The following ST6GALNAC3 variants were observed in gnomAD, a reference collection of about 807,000 sequenced individuals.
ST6GALNAC3 encodes ST6 N-acetylgalactosaminide alpha-2,6-sialyltransferase 3, also known as alpha-N-acetylgalactosaminide alpha-2,6-sialyltransferase 3.
A neutral mutation model predicts 32.7 loss-of-function variants in ST6GALNAC3; 25 were observed. That is an observed-to-expected ratio of 0.76 (90% CI 0.56 to 1.07). The LOEUF is 1.07. Among genes scored for constraint, ST6GALNAC3 ranks in the 50% least tolerant of loss-of-function variants. The pLI is 0.00. For synonymous variants in ST6GALNAC3, 129 were observed against 133.1 expected (o/e 0.97, Z 0.21); for missense variants, 355 against 382.4 (o/e 0.93, Z 0.60).
intron 1 of ST6GALNAC3, chr1:76,306,021 C>T: frequency 2.3e-6 from 1 of 442,494 alleles, no homozygotes; most frequent in South Asian, 1.7e-5. Flanking sequence ...TGGTACCAGC[C>T]TTAGGTAGAT....
chr1:76,153,764 G>C (rs1651204887), intron 1 of ST6GALNAC3, among the ~76,000 whole-genome samples: 1 of 152,144 alleles, frequency 6.6e-6, no homozygotes, highest in Non-Finnish European at 1.5e-5. Flanking sequence ...AGTTGACCTA[G>C]ACAGGGAACA....
At chr1:76,562,374 A>G (rs748684444) in intron 3 of ST6GALNAC3, among the ~76,000 whole-genome samples, 1 of 152,218 alleles carries the variant, frequency 6.6e-6, no homozygotes, top group Admixed American at 6.5e-5. Flanking sequence ...ATGTTTACAT[A>G]GTTCAGGAAA....
At chr1:76,608,532 C>T (rs940518469) in intron 3 of ST6GALNAC3, among the ~76,000 whole-genome samples, 6 of 150,936 alleles carry the variant, frequency 4.0e-5, no homozygotes, top group African/African-American at 1.2e-4. Context: ...GATATAGGAT[C>T]GTCAAGAGAG....
intron 1 of ST6GALNAC3, among the ~76,000 whole-genome samples, chr1:76,298,969 G>C (rs12036155): frequency 0.18 from 27,573 of 151,918 alleles, 3,155 homozygotes; most frequent in East Asian, 0.5. Context: ...TTGGTGAACT[G>C]CTCACCTATT....
chr1:76,257,096 C>G (rs1657965455), intron 1 of ST6GALNAC3, among the ~76,000 whole-genome samples: 1 of 152,108 alleles, frequency 6.6e-6, no homozygotes, highest in South Asian at 2.1e-4. Flanking sequence ...CAGGGAGATA[C>G]TGCATCATAG....
chr1:76,555,794 TA>T (rs1213861528), intron 3 of ST6GALNAC3, among the ~76,000 whole-genome samples: 1 of 152,120 alleles, frequency 6.6e-6, no homozygotes, highest in African/African-American at 2.4e-5. Context: ...CAGGGTTCTA[TA>T]TTTTTAGAGG....
chr1:76,151,664 G>A (rs434587), intron 1 of ST6GALNAC3, among the ~76,000 whole-genome samples: 100,512 of 152,054 alleles, frequency 0.66, 35,890 homozygotes, highest in East Asian at 0.95. Context: ...GATCACACCT[G>A]AGAGGGGAGG....
intron 1 of ST6GALNAC3, among the ~76,000 whole-genome samples, chr1:76,264,340 T>G (rs1348693820): frequency 6.6e-6 from 1 of 152,082 alleles, no homozygotes; most frequent in Non-Finnish European, 1.5e-5. Flanking sequence ...CATCAAATTA[T>G]CTTCAGTAAC....
chr1:76,208,992 A>T (rs1397605265), intron 1 of ST6GALNAC3, among the ~76,000 whole-genome samples: 1 of 152,090 alleles, frequency 6.6e-6, no homozygotes, highest in African/African-American at 2.4e-5. Context: ...ATCTTTAATG[A>T]TAAATTTATC....
intron 1 of ST6GALNAC3, among the ~76,000 whole-genome samples, chr1:76,095,940 A>C (rs1313639899): frequency 6.6e-6 from 1 of 152,158 alleles, no homozygotes; most frequent in African/African-American, 2.4e-5. Flanking sequence ...TAATGGATGA[A>C]AACATGAACA....
intron 3 of ST6GALNAC3, among the ~76,000 whole-genome samples, chr1:76,550,506 T>C (rs1056290798): frequency 6.6e-5 from 10 of 152,192 alleles, no homozygotes; most frequent in African/African-American, 2.4e-4. Context: ...GTTCTATTTT[T>C]TTCCCCATGA....
At chr1:76,128,408 G>A (rs761309510) in intron 1 of ST6GALNAC3, among the ~76,000 whole-genome samples, 18 of 152,216 alleles carry the variant, frequency 1.2e-4, no homozygotes, top group Non-Finnish European at 2.4e-4. Context: ...AGCGGTAGCA[G>A]AAAGTTGTGT....
intron 3 of ST6GALNAC3, among the ~76,000 whole-genome samples, chr1:76,590,946 G>A (rs541828288): frequency 1.3e-4 from 20 of 152,250 alleles, no homozygotes; most frequent in African/African-American, 3.9e-4. Context: ...AACATACATG[G>A]AGCTTGCCCT....
chr1:76,277,734 T>C (rs1174182298), intron 1 of ST6GALNAC3, among the ~76,000 whole-genome samples: 2 of 152,108 alleles, frequency 1.3e-5, no homozygotes, highest in East Asian at 3.9e-4. Context: ...TTAATATGGC[T>C]AATAATTGTC....
intron 3 of ST6GALNAC3, among the ~76,000 whole-genome samples, chr1:76,539,577 G>A (rs1663854060): frequency 6.6e-6 from 1 of 151,978 alleles, no homozygotes; most frequent in South Asian, 2.1e-4. Context: ...GCGTGAACAG[G>A]CAACCTGCAC....
At chr1:76,573,292 G>T (rs12084124) in intron 3 of ST6GALNAC3, among the ~76,000 whole-genome samples, 22 of 152,044 alleles carry the variant, frequency 1.4e-4, no homozygotes, top group African/African-American at 5.1e-4. Context: ...TGTCATAAGC[G>T]ATATAAACCT....
At chr1:76,190,295 G>C (rs1246877132) in intron 1 of ST6GALNAC3, among the ~76,000 whole-genome samples, 1 of 152,140 alleles carries the variant, frequency 6.6e-6, no homozygotes, top group East Asian at 1.9e-4. Flanking sequence ...TTTTTTCATA[G>C]CAATGCAAAA....
At chr1:76,295,313 A>G (rs1240685153) in intron 1 of ST6GALNAC3, among the ~76,000 whole-genome samples, 2 of 151,496 alleles carry the variant, frequency 1.3e-5, no homozygotes, top group African/African-American at 2.4e-5. Context: ...GTAGTTGAAA[A>G]CTCTCAGAAT....
rs1470563072 is a variant in ST6GALNAC3 at position 76,631,020 on chromosome 1, G to A, written c.*2214G>A. Reference sequence around the variant, plus strand: ...GAAGGGCCAACTCTTATTTGTTCTAGCCCCTACTGATGAGAAACATTTGAA... The same window carrying A: ...GAAGGGCCAACTCTTATTTGTTCTAACCCCTACTGATGAGAAACATTTGAA... On this transcript the variant is annotated 3_prime_UTR_variant, in exon 5 of 5. Coordinates refer to ENST00000328299, the MANE Select transcript of ST6GALNAC3 (RefSeq NM_152996.4). 2 of 985,468 alleles carry A rather than the reference G, an allele frequency of 2.0e-6. No homozygotes were observed. The highest frequency in any genetic ancestry group is 2.4e-6 in the Non-Finnish European group (2 of 829,808). The allele number at this position is 985,468 out of a possible 1,614,324, so 61.0% of individuals were successfully genotyped here.
Sources: gnomAD v4.1 joint callset for allele counts (sites outside exome capture counted in the v4.1 genomes callset) on GRCh38, gnomAD v4.1.1 for gene constraint, MANE v1.5 for transcripts, NCBI Gene and HGNC (gene_info 2026-07-23, HGNC 2026-07-21) for gene names.